The following PARD3B variants were observed in gnomAD, a reference collection of about 807,000 sequenced individuals.
The protein encoded by PARD3B is partitioning defective 3 homolog B.
A neutral mutation model predicts 130.2 loss-of-function variants in PARD3B; 103 were observed. The observed-to-expected ratio is 0.79, with a 90% CI of 0.67 to 0.93. PARD3B has a LOEUF of 0.93. Ranked by LOEUF, PARD3B falls within the 40% of genes least tolerant of loss-of-function variation. The pLI is 0.00. For synonymous variants in PARD3B, 583 were observed against 553.2 expected (o/e 1.05, Z -0.76); for missense variants, 1,609 against 1,499.2 (o/e 1.07, Z -1.21).
intron 22 of PARD3B, among the ~76,000 whole-genome samples, chr2:205,578,932 CCTAG>C (rs2053863681): frequency 6.6e-6 from 1 of 152,110 alleles, no homozygotes; most frequent in South Asian, 2.1e-4. Flanking sequence ...CTCTGCAGTA[CCTAG>C]CTAGATAGTA....
At position 205,461,765 on chromosome 2, in the gene PARD3B, AT is replaced by A. The variant is rs1390079915; in HGVS notation, c.3044+21096del. Among the ~76,000 whole-genome samples the A allele has an allele frequency of 6.6e-6, 1 of 151,974 alleles. No homozygotes were observed. ...AATAGGTCTGGGGTGGGACCCTACA[AT>A]TTGCATTTCTAACAAGCTGCCGAAT... On this transcript the variant is annotated intron_variant, in intron 20 of 22. Coordinates refer to ENST00000406610, the MANE Select transcript of PARD3B (RefSeq NM_001302769.2). The surrounding 1 kb of genome is among the most constrained non-coding windows in gnomAD (Gnocchi z 4.3).
intron 20 of PARD3B, among the ~76,000 whole-genome samples, chr2:205,472,791 A>G (rs964478809): frequency 6.6e-6 from 1 of 152,118 alleles, no homozygotes; most frequent in Non-Finnish European, 1.5e-5. Flanking sequence ...CAAGCTCTAG[A>G]CATCCATTCC....
intron 6 of PARD3B, 98 bp downstream of exon 6, chr2:205,113,675 TC>T: frequency 1.2e-6 from 1 of 867,706 alleles, no homozygotes; most frequent in Non-Finnish European, 1.8e-6. Context: ...AAATGTGAAT[TC>T]TATTATTCAA....
At chr2:204,816,201 G>A (rs990938494) in intron 2 of PARD3B, among the ~76,000 whole-genome samples, 2 of 151,816 alleles carry the variant, frequency 1.3e-5, no homozygotes, top group African/African-American at 4.8e-5. Flanking sequence ...TGATCATTGT[G>A]CTATTGTTGT....
chr2:205,170,619 C>T (rs1370467926), intron 11 of PARD3B, among the ~76,000 whole-genome samples: 2 of 152,098 alleles, frequency 1.3e-5, no homozygotes, highest in African/African-American at 2.4e-5. Flanking sequence ...GGAACAGCAG[C>T]TCTCACCATG....
intron 5 of PARD3B, among the ~76,000 whole-genome samples, chr2:205,112,706 G>A (rs1703728326): frequency 6.6e-6 from 1 of 152,002 alleles, no homozygotes; most frequent in African/African-American, 2.4e-5. Flanking sequence ...CTACTCTTTA[G>A]TACTCAAAAG....
chr2:204,991,712 A>G (rs1477271250), intron 3 of PARD3B, among the ~76,000 whole-genome samples: 1 of 151,186 alleles, frequency 6.6e-6, no homozygotes, highest in African/African-American at 2.4e-5. Flanking sequence ...AAGTGTTCCT[A>G]TTTCTCCACA....
chr2:205,533,630 A>AC (rs1448376297), intron 21 of PARD3B, among the ~76,000 whole-genome samples: 1 of 152,196 alleles, frequency 6.6e-6, no homozygotes, highest in African/African-American at 2.4e-5. Context: ...TAATGAAATC[A>AC]CCCCTGTGTA....
chr2:205,182,246 C>T (rs62172730), intron 13 of PARD3B, among the ~76,000 whole-genome samples: 5,208 of 151,434 alleles, frequency 0.034, 127 homozygotes, highest in Non-Finnish European at 0.051. Flanking sequence ...GAGCCAAGAT[C>T]GCACCACTGC....
rs558048167 is a variant in PARD3B, at chr2:204,817,260, T to C, written c.222+130978T>C. ...AGATTCTTGGCACATCTAGGAATTT[T>C]TTTTTTTTGGTTGCCAGACTATTAC... On this transcript the variant is annotated intron_variant, in intron 2 of 22. Transcript: ENST00000406610. 6.6e-5 allele frequency among the ~76,000 whole-genome samples: 10 copies of C among 152,274 alleles called. No individual in the cohort carries two copies. The East Asian group carries it at 1.5e-3, about 23-fold the overall frequency.
At chr2:204,719,599 A>G (rs1327049424) in intron 2 of PARD3B, among the ~76,000 whole-genome samples, 2 of 152,308 alleles carry the variant, frequency 1.3e-5, no homozygotes, top group African/African-American at 4.8e-5. Flanking sequence ...GCCTTTTCAC[A>G]TAGTTCTTGC....
intron 22 of PARD3B, among the ~76,000 whole-genome samples, chr2:205,614,777 C>T (rs1273843916): frequency 2.0e-5 from 3 of 151,504 alleles, no homozygotes; most frequent in Non-Finnish European, 4.4e-5. Flanking sequence ...GACTGTAGAG[C>T]ATTTAGGGAG....
intron 18 of PARD3B, among the ~76,000 whole-genome samples, chr2:205,305,393 A>G (rs1015696353): frequency 2.6e-5 from 4 of 152,204 alleles, no homozygotes; most frequent in Non-Finnish European, 4.4e-5. Flanking sequence ...AATATGATCT[A>G]TAGTATAGTA....
At chr2:205,502,894 AC>A (rs926942839) in intron 21 of PARD3B, among the ~76,000 whole-genome samples, 10 of 151,922 alleles carry the variant, frequency 6.6e-5, no homozygotes, top group African/African-American at 2.2e-4. Flanking sequence ...GTAGTTCTCT[AC>A]CACTATTGCA....
intron 2 of PARD3B, among the ~76,000 whole-genome samples, chr2:204,956,127 T>C (rs1322391979): frequency 1.3e-5 from 2 of 152,196 alleles, no homozygotes; most frequent in African/African-American, 4.8e-5. Flanking sequence ...TGTTGGAGAA[T>C]GATCTTTGCA....
At chr2:205,023,452 CTTTTT>C (rs11319827) in intron 3 of PARD3B, among the ~76,000 whole-genome samples, 1 of 88,728 alleles carries the variant, frequency 1.1e-5, no homozygotes, top group Admixed American at 1.3e-4. Flanking sequence ...ATGCCCACAC[CTTTTT>C]TTTTTTTTTT....
chr2:205,525,258 TG>T lies in PARD3B; in HGVS notation c.3180+25229del, dbSNP rs1480548754. On this transcript the variant is annotated intron_variant, in intron 21 of 22. Transcript: ENST00000406610. This position sits in a 1 kb window ranked among gnomAD's most constrained non-coding sequence, Gnocchi z 4.2. ...GACATGGTATGTAAAACTTCCAAAT[TG>T]GTTTCCTTACCACTCCAAGAGTGGG... 1.3e-5 allele frequency among the ~76,000 whole-genome samples: 2 copies of T among 152,108 alleles called. No individual in the cohort carries two copies. The highest frequency in any genetic ancestry group is 6.6e-5 in the Admixed American group (1 of 15,260).
intron 1 of PARD3B, among the ~76,000 whole-genome samples, chr2:204,554,537 C>T (rs2030782945): frequency 6.6e-6 from 1 of 151,958 alleles, no homozygotes; most frequent in Non-Finnish European, 1.5e-5. Flanking sequence ...TGACTCTGCT[C>T]TCATACTAGA....
At chr2:205,310,929 T>G (rs2042366024) in intron 18 of PARD3B, among the ~76,000 whole-genome samples, 1 of 151,918 alleles carries the variant, frequency 6.6e-6, no homozygotes. Flanking sequence ...TCACCATGTT[T>G]GTCAGGCTGG....
Sources: gnomAD v4.1 joint callset for allele counts (sites outside exome capture counted in the v4.1 genomes callset) on GRCh38, gnomAD v4.1.1 for gene constraint, Gnocchi (gnomAD v3.1) non-coding constraint, MANE v1.5 for transcripts, NCBI Gene and HGNC (gene_info 2026-07-23, HGNC 2026-07-21) for gene names.